Variants in ABRAXAS1 observed in about 807,000 individuals in gnomAD.
ABRAXAS1 encodes the protein abraxas 1, BRCA1 A complex subunit, also known as BRCA1-A complex subunit Abraxas 1.
Under a neutral mutation model 38.4 loss-of-function variants are expected in ABRAXAS1, and 26 were observed. That is an observed-to-expected ratio of 0.68 (90% CI 0.50 to 0.94). ABRAXAS1 has a LOEUF of 0.94. Among genes scored for constraint, ABRAXAS1 ranks in the 40% least tolerant of loss-of-function variants. The probability of loss-of-function intolerance (pLI) is 0.00; values close to 1 mark genes in which losing one functional copy is unlikely to be tolerated. For synonymous variants in ABRAXAS1, 144 were observed against 165.5 expected (o/e 0.87, Z 1.00); for missense variants, 438 against 481.9 (o/e 0.91, Z 0.85).
rs1578121049 is a variant in ABRAXAS1, at chr4:83,461,318, TC to T, written c.*1150del. 2.0e-5 allele frequency: 15 copies of T among 764,920 alleles called. No individual in the cohort carries two copies. Among genetic ancestry groups the T allele is most frequent in the Non-Finnish European group, 3.0e-5 (13 of 439,250 alleles). The allele number at this position is 764,920 out of a possible 1,614,324, so 47.4% of individuals were successfully genotyped here. ...GAGGAGTGAGGTAAAGAATGACACT[TC>T]CCCTTCATACCAATGTCCATTAAGC... On this transcript the variant is annotated 3_prime_UTR_variant, in exon 9 of 9. Transcript: ENST00000321945.
In ABRAXAS1 at chr4:83,470,547, AT is replaced by A. The variant is rs545108219; in HGVS notation, c.283-152del. On this transcript the variant is annotated intron_variant, in intron 4 of 8. Transcript: ENST00000321945. The stretch of plus-strand genomic sequence containing the variant: ...ATAAACAAAGAATACATTTAATCAT[AT>A]GCTTTACTTTTGTAAAACATACAAA... 1,106 of 540,888 alleles carry A rather than the reference AT, an allele frequency of 2.0e-3. 6 individuals are homozygous for A. Among genetic ancestry groups the A allele is most frequent in the Non-Finnish European group, 1.5e-3 (478 of 313,420 alleles). The allele number at this position is 540,888 out of a possible 1,614,324, so 33.5% of individuals were successfully genotyped here.
Position 83,466,272 on chromosome 4 carries a change from T to C in ABRAXAS1, c.681+1182A>G, listed in dbSNP as rs1343362798. On this transcript the variant is annotated intron_variant, in intron 7 of 8. Transcript: ENST00000321945. ...CTGCCTGTTCTTTCTTCCTCTTCTT[T>C]ATCCTTCTCAGGCCCAATAAATCTC... Among the ~76,000 whole-genome samples the C allele has an allele frequency of 2.0e-5, 3 of 152,212 alleles. No homozygotes were observed. The South Asian group carries it at 6.2e-4, about 32-fold the overall frequency.
At chr4:83,484,774 AT>A in intron 1 of ABRAXAS1, 1 of 437,168 alleles carries the variant, frequency 2.3e-6, no homozygotes, top group Non-Finnish European at 4.1e-6. Flanking sequence ...ATAACGGAGG[AT>A]AGCAGAGGGA....
Position 83,461,841 on chromosome 4 carries a change from A to C in ABRAXAS1, c.*628T>G. The stretch of plus-strand genomic sequence containing the variant: ...GTTTGTGTTGTGTTATAGTTGTGTA[A>C]TAATTAAGGCTGCCAGATTTAGCAA... On this transcript the variant is annotated 3_prime_UTR_variant, in exon 9 of 9. Transcript: ENST00000321945. 4.4e-6 allele frequency: 1 copy of C among 228,074 alleles called. No individual in the cohort carries two copies. The highest frequency in any genetic ancestry group is 8.7e-6 in the Non-Finnish European group (1 of 114,998). 14.1% of individuals were successfully genotyped at this position (228,074 alleles called of 1,614,324 possible).
intron 3 of ABRAXAS1, among the ~76,000 whole-genome samples, chr4:83,476,046 T>C (rs1366046828): frequency 1.3e-5 from 2 of 151,970 alleles, no homozygotes; most frequent in Non-Finnish European, 2.9e-5. Flanking sequence ...TACCAAAATA[T>C]AAAAATTAGC....
chr4:83,473,624 A>G (rs1722661522), intron 3 of ABRAXAS1, among the ~76,000 whole-genome samples: 1 of 151,740 alleles, frequency 6.6e-6, no homozygotes, highest in Admixed American at 6.6e-5. Context: ...CCCTCAAGCA[A>G]TCCTTTCACC....
chr4:83,484,297 T>TA (rs1312684479), intron 1 of ABRAXAS1: 5 of 754,020 alleles, frequency 6.6e-6, no homozygotes, highest in Non-Finnish European at 8.1e-6. Flanking sequence ...TTCAGATGCT[T>TA]AGACTTTCTT....
At chr4:83,478,352 CTG>C (rs1172311967) in intron 2 of ABRAXAS1, 1 of 597,180 alleles carries the variant, frequency 1.7e-6, no homozygotes, top group African/African-American at 1.9e-5. Context: ...TTTGGCCAAA[CTG>C]GCTTTGGCGT....
intron 4 of ABRAXAS1, 57 bp downstream of exon 4, chr4:83,472,165 A>T: frequency 8.7e-7 from 1 of 1,147,196 alleles, no homozygotes; most frequent in Non-Finnish European, 1.2e-6. Context: ...GTGTGTTTTT[A>T]AGAACCAAAA....
At position 83,460,452 on chromosome 4, in the gene ABRAXAS1, AC is replaced by A. The variant is rs111957244; in HGVS notation, c.*2016del. 1.3e-5 allele frequency: 2 copies of A among 152,706 alleles called. No homozygotes were observed. Among genetic ancestry groups the A allele is most frequent in the Admixed American group, 1.3e-4 (2 of 15,222 alleles). The allele number at this position is 152,706 out of a possible 1,614,324, so 9.5% of individuals were successfully genotyped here. A position where few individuals can be genotyped will look rare whatever the true frequency, so the allele number is the denominator to read the frequency against. On this transcript the variant is annotated 3_prime_UTR_variant, in exon 9 of 9. Transcript: ENST00000321945. The stretch of plus-strand genomic sequence containing the variant: ...TTACAGGTGTGAGCCACTGCACCCA[AC>A]CCCACTTGTTTTTGTAGTTTTGTTT...
chr4:83,466,159 C>T (rs190214155), intron 7 of ABRAXAS1, among the ~76,000 whole-genome samples: 3 of 152,294 alleles, frequency 2.0e-5, no homozygotes, highest in Admixed American at 1.3e-4. Context: ...AATGGCGCTG[C>T]AGTCTGAGAC....
In ABRAXAS1 at chr4:83,462,709, A is replaced by T; in HGVS notation, c.990T>A (p.Thr330=). The part of the protein sequence containing the change: ...VDNLTLMVEH[T]DIPEASPAST... ...TAGCTGGACTAGCTTCAGGAATGTCAGTGTGTTCTACCATTAAGGTCAGAT... is the reference window on the plus strand; with the variant it reads ...TAGCTGGACTAGCTTCAGGAATGTCTGTGTGTTCTACCATTAAGGTCAGAT... The change falls in exon 9 of 9, where the codon ACT becomes ACA. Residue 330 remains threonine, a synonymous_variant. Transcript: ENST00000321945. The T allele has an allele frequency of 6.2e-7, 1 of 1,613,810 alleles. No homozygotes were observed. Among genetic ancestry groups the T allele is most frequent in the Non-Finnish European group, 8.5e-7 (1 of 1,180,002 alleles).
chr4:83,476,216 C>T (rs968320226), intron 3 of ABRAXAS1, among the ~76,000 whole-genome samples: 1 of 152,028 alleles, frequency 6.6e-6, no homozygotes, highest in Admixed American at 6.6e-5. Flanking sequence ...AGAAAAAGAA[C>T]ATAACCAGCT....
chr4:83,473,181 G>A (rs937382410), intron 3 of ABRAXAS1, among the ~76,000 whole-genome samples: 1 of 152,096 alleles, frequency 6.6e-6, no homozygotes, highest in Non-Finnish European at 1.5e-5. Flanking sequence ...TAGAGAGAGC[G>A]AGGTGGGAGG....
intron 4 of ABRAXAS1, among the ~76,000 whole-genome samples, chr4:83,471,218 TTTTTTGA>T (rs1338187896): frequency 1.1e-5 from 1 of 93,922 alleles, no homozygotes; most frequent in Non-Finnish European, 2.0e-5. Flanking sequence ...TTTTTTTTTT[TTTTTTGA>T]GACAGTCTGG....
At chr4:83,467,726 G>A (rs1349251841) in intron 6 of ABRAXAS1, among the ~76,000 whole-genome samples, 188 bp from the exon 7 acceptor site, 1 of 152,142 alleles carries the variant, frequency 6.6e-6, no homozygotes, top group South Asian at 2.1e-4. Context: ...CTTCACATTA[G>A]CAAACTTTTT....
intron 4 of ABRAXAS1, among the ~76,000 whole-genome samples, chr4:83,471,191 C>T (rs13151712): frequency 0.035 from 2,057 of 58,052 alleles, 156 homozygotes; most frequent in South Asian, 0.059. Context: ...AAAGAAACAT[C>T]TTTTTTTTTT....
At chr4:83,484,230 C>G (rs2110051013) in intron 1 of ABRAXAS1, 1 of 984,116 alleles carries the variant, frequency 1.0e-6, no homozygotes, top group African/African-American at 1.7e-5. Context: ...GCAGAAATTA[C>G]TAGGCATTGT....
At chr4:83,482,354 G>A (rs1182087972) in intron 1 of ABRAXAS1, 110 bp from the exon 2 acceptor site, 32 of 567,922 alleles carry the variant, frequency 5.6e-5, no homozygotes, top group Middle Eastern at 4.1e-4. Context: ...GCTACCAGTC[G>A]GGGGCACATA....
Sources: allele counts gnomAD v4.1 joint callset (sites outside exome capture counted in the v4.1 genomes callset), GRCh38; gene constraint gnomAD v4.1.1; transcripts MANE v1.5; gene names NCBI Gene and HGNC (gene_info 2026-07-23, HGNC 2026-07-21).